The following MED14 variants were observed in gnomAD, a reference collection of about 807,000 sequenced individuals.
MED14 encodes mediator of RNA polymerase II transcription subunit 14.
Under a neutral mutation model 109.0 loss-of-function variants are expected in MED14, and 8 were observed. The ratio of observed to expected loss-of-function variants is 0.07; its 90% CI spans 0.04 to 0.13. The LOEUF (loss-of-function observed/expected upper bound fraction) is 0.13. Ranked by LOEUF, MED14 falls within the 10% of genes least tolerant of loss-of-function variation. The pLI is 1.00. For missense variants in MED14, 711 were observed against 1,142.4 expected (o/e 0.62, Z 5.44); for synonymous variants, 399 against 408.7 (o/e 0.98, Z 0.29).
At chrX:40,663,258 T>C in intron 25 of MED14, 98 bp from the exon 26 acceptor site, 1 of 668,477 alleles carries the variant, frequency 1.5e-6, no homozygotes. Context: ...TTCTAAATCA[T>C]TCTGTACTGT....
chrX:40,686,374 G>A (rs977276206), intron 16 of MED14, among the ~76,000 whole-genome samples: 3 of 110,505 alleles, frequency 2.7e-5, no homozygotes, highest in African/African-American at 9.9e-5. Context: ...GAATGCAAAT[G>A]TTAACATTAT....
At chrX:40,704,290 A>C (rs1931054167) in intron 10 of MED14, among the ~76,000 whole-genome samples, 2 of 112,296 alleles carry the variant, frequency 1.8e-5, no homozygotes, top group Admixed American at 1.9e-4. Flanking sequence ...AAAACACTGA[A>C]AACACACTAA....
At chrX:40,667,899 G>A (rs899533132) in intron 23 of MED14, among the ~76,000 whole-genome samples, 3 of 111,337 alleles carry the variant, frequency 2.7e-5, no homozygotes, top group African/African-American at 9.8e-5. Context: ...TGAAAGAGAC[G>A]TCCAGCATGA....
intron 12 of MED14, among the ~76,000 whole-genome samples, chrX:40,699,602 T>C (rs1383482709): frequency 4.5e-5 from 5 of 112,063 alleles, no homozygotes; most frequent in African/African-American, 1.6e-4. Context: ...ACTTTCTGGT[T>C]TTAGTTTATA....
At chrX:40,722,554 T>C (rs892109047) in intron 3 of MED14, among the ~76,000 whole-genome samples, 11 of 111,585 alleles carry the variant, frequency 9.9e-5, no homozygotes, top group African/African-American at 3.2e-4. Flanking sequence ...AGTAAGTTTA[T>C]TGAAAAGGAT....
intron 23 of MED14, among the ~76,000 whole-genome samples, chrX:40,668,483 C>T (rs1929603044): frequency 9.1e-6 from 1 of 109,418 alleles, no homozygotes; most frequent in African/African-American, 3.3e-5. Flanking sequence ...GAAACGTTAA[C>T]TTATTTAAAG....
Position 40,654,491 on chromosome X carries a change from A to T in MED14, c.4164T>A (p.Ile1388=), listed in dbSNP as rs1401457284. 8.3e-7 allele frequency: 1 copy of T among 1,211,259 alleles called. No homozygotes were observed. The highest frequency in any genetic ancestry group is 2.2e-5 in the Admixed American group (1 of 45,963). Residue 1388 remains isoleucine, a synonymous_variant, in exon 30 of 31, where the codon ATT becomes ATA. Coordinates refer to ENST00000324817, the MANE Select transcript of MED14 (RefSeq NM_004229.4). The part of the protein sequence containing the change: ...QEPVSIIVPI[I]YDMASGTTQQ... ...GGGTTGTACCTGAAGCCATGTCATA[A>T]ATGATTGGAACTATAATACTAACAG...
chrX:40,658,987 G>A (rs896206264), intron 28 of MED14, among the ~76,000 whole-genome samples: 39 of 112,183 alleles, frequency 3.5e-4, no homozygotes, highest in South Asian at 2.9e-3. Context: ...AGAGGGGACA[G>A]GGATAGCTAG....
chrX:40,691,353 AC>A (rs1930493033), intron 15 of MED14, among the ~76,000 whole-genome samples: 1 of 112,265 alleles, frequency 8.9e-6, no homozygotes, highest in Non-Finnish European at 1.9e-5. Flanking sequence ...AAAATAAGCC[AC>A]CTGGCTATCA....
At position 40,711,306 on chromosome X, in the gene MED14, T is replaced by C. The variant is rs879132826; in HGVS notation, c.890-5A>G. The C allele has an allele frequency of 1.7e-6, 2 of 1,179,738 alleles. No homozygotes were observed. The highest frequency in any genetic ancestry group is 2.3e-6 in the Non-Finnish European group (2 of 870,829). On this transcript the variant is annotated splice_region_variant and splice_polypyrimidine_tract_variant and intron_variant, in intron 7 of 30. Transcript: ENST00000324817. ...GAAGTGATAAACAGAAAGAATCTGA[T>C]AGATGTTGTTAAGTAAAATTAATAC...
intron 1 of MED14, 33 bp from the exon 2 acceptor site, chrX:40,729,378 A>T: frequency 8.8e-7 from 1 of 1,142,129 alleles, no homozygotes; most frequent in Non-Finnish European, 1.2e-6. Context: ...GATTAGATAC[A>T]TGCATACCTT....
chrX:40,679,472 A>G (rs1402204733), intron 21 of MED14, among the ~76,000 whole-genome samples: 3 of 111,629 alleles, frequency 2.7e-5, no homozygotes, highest in Non-Finnish European at 5.7e-5. Context: ...GTGCCGCTGC[A>G]CTCCAGCCTG....
chrX:40,660,160 T>C (rs1929210454), intron 26 of MED14, among the ~76,000 whole-genome samples: 1 of 111,972 alleles, frequency 8.9e-6, no homozygotes, highest in South Asian at 3.6e-4. Context: ...CTATACTTTT[T>C]AGAGACATAT....
chrX:40,654,200 A>C, intron 30 of MED14, 164 bp downstream of exon 30: 4 of 442,639 alleles, frequency 9.0e-6, no homozygotes, highest in Non-Finnish European at 1.5e-5. Context: ...AGAAAGGAAG[A>C]AAGCGACAGG....
Position 40,651,637 on chromosome X carries a change from G to C in MED14, c.*169C>G. On this transcript the variant is annotated 3_prime_UTR_variant, in exon 31 of 31. Transcript: ENST00000324817. Reference sequence around the variant, plus strand: ...ATACAAGTTCATTATACAAAAGATGGATGATCATTTTGATGAAAGAAGTGC... The same window carrying C: ...ATACAAGTTCATTATACAAAAGATGCATGATCATTTTGATGAAAGAAGTGC... 1.9e-6 allele frequency: 2 copies of C among 1,040,424 alleles called. No individual in the cohort carries two copies. The highest frequency in any genetic ancestry group is 2.5e-6 in the Non-Finnish European group (2 of 812,548). The allele number at this position is 1,040,424 out of a possible 1,213,427, so 85.7% of individuals were successfully genotyped here.
Position 40,735,111 on chromosome X carries a change from C to T in MED14, c.215+87G>A. 3 of 673,771 alleles carry T rather than the reference C, an allele frequency of 4.5e-6. No individual in the cohort carries two copies. In the South Asian group the frequency reaches 1.2e-4, roughly 27 times the overall value. 55.5% of individuals were successfully genotyped at this position (673,771 alleles called of 1,213,427 possible). A position where few individuals can be genotyped will look rare whatever the true frequency, so the allele number is the denominator to read the frequency against. On this transcript the variant is annotated intron_variant, in intron 1 of 30. Transcript: ENST00000324817. ...AGCAGTCCAGCGGAGAACACAGCAG[C>T]CTCTCGGGGAGAGGGAGGTGCAAAC... is the stretch of plus-strand genomic sequence containing the variant.
rs59286933 is a variant in MED14 at position 40,656,953 on chromosome X, T to A, written c.3973-1893A>T. Among the ~76,000 whole-genome samples, 964 of 111,025 alleles carry A rather than the reference T, an allele frequency of 8.7e-3. 6 individuals are homozygous for A. Among genetic ancestry groups the A allele is most frequent in the African/African-American group, 0.03 (926 of 30,450 alleles). ...GCCAGGCTGGAGTGCAATGGTGTGATCTCGGCTCACTGCAGCCTTTGCCTT... is the reference window on the plus strand; with the variant it reads ...GCCAGGCTGGAGTGCAATGGTGTGAACTCGGCTCACTGCAGCCTTTGCCTT... On this transcript the variant is annotated intron_variant, in intron 28 of 30. Coordinates refer to ENST00000324817, the MANE Select transcript of MED14 (RefSeq NM_004229.4).
chrX:40,717,273 A>G (rs1389847779), intron 3 of MED14, among the ~76,000 whole-genome samples: 1 of 109,857 alleles, frequency 9.1e-6, no homozygotes, highest in African/African-American at 3.3e-5. Flanking sequence ...TGATATATCA[A>G]TTGAAAAAAA....
chrX:40,682,167 G>A (rs1230042854), intron 18 of MED14, among the ~76,000 whole-genome samples: 2 of 111,344 alleles, frequency 1.8e-5, no homozygotes, highest in Non-Finnish European at 3.8e-5. Flanking sequence ...TAGCATAGTG[G>A]TTAGAGGGTT....
Sources: gnomAD v4.1 joint callset for allele counts (sites outside exome capture counted in the v4.1 genomes callset) on GRCh38, gnomAD v4.1.1 for gene constraint, MANE v1.5 for transcripts, NCBI Gene and HGNC (gene_info 2026-07-23, HGNC 2026-07-21) for gene names.